The following PDE4B variants were observed in gnomAD, a reference collection of about 807,000 sequenced individuals.
PDE4B encodes phosphodiesterase 4B, also known as 3',5'-cyclic-AMP phosphodiesterase 4B.
A neutral mutation model predicts 82.2 loss-of-function variants in PDE4B; 20 were observed. The ratio of observed to expected loss-of-function variants is 0.24; its 90% CI spans 0.17 to 0.35. The LOEUF (loss-of-function observed/expected upper bound fraction) is 0.35, where lower values mean the gene tolerates loss of function less well. Ranked by LOEUF, PDE4B falls within the 10% of genes least tolerant of loss-of-function variation. The pLI is 1.00. For synonymous variants in PDE4B, 320 were observed against 318.9 expected (o/e 1.00, Z -0.04); for missense variants, 655 against 907.2 (o/e 0.72, Z 3.57).
At chr1:65,820,203 A>G (rs1645937148) in intron 1 of PDE4B, among the ~76,000 whole-genome samples, 1 of 152,238 alleles carries the variant, frequency 6.6e-6, no homozygotes, top group Non-Finnish European at 1.5e-5. Flanking sequence ...TTTGCAATTG[A>G]AATATTCAAG....
Position 65,875,117 on chromosome 1 carries a change from A to G in PDE4B, c.-70-38128A>G, listed in dbSNP as rs1424393821. On this transcript the variant is annotated intron_variant, in intron 1 of 16. Coordinates refer to ENST00000341517, the MANE Select transcript of PDE4B (RefSeq NM_002600.4). ...ACAAATGTACAAGAAAAAAACAAAC[A>G]ACCCCATCAAAAAGTGGGCGAAGGA... 4.6e-5 allele frequency among the ~76,000 whole-genome samples: 7 copies of G among 152,192 alleles called. 1 individual carries two copies. The highest frequency in any genetic ancestry group is 1.7e-4 in the African/African-American group (7 of 41,544).
chr1:66,146,173 CTTTTTTTTTTTT>C (rs36027532), intron 3 of PDE4B, among the ~76,000 whole-genome samples: 3 of 49,230 alleles, frequency 6.1e-5, no homozygotes, highest in Admixed American at 3.1e-4. Context: ...GGGTAGCATG[CTTTTTTTTTTTT>C]TTTTTTTTTT....
intron 3 of PDE4B, among the ~76,000 whole-genome samples, chr1:65,985,704 A>G (rs767873388): frequency 3.3e-5 from 5 of 152,094 alleles, no homozygotes; most frequent in Non-Finnish European, 7.4e-5. Context: ...CCTTGCTAAT[A>G]TATCTTGATT....
intron 3 of PDE4B, among the ~76,000 whole-genome samples, chr1:66,129,528 C>T (rs1209356220): frequency 1.3e-5 from 2 of 150,306 alleles, no homozygotes; most frequent in African/African-American, 2.4e-5. Context: ...GGCGTAGTGG[C>T]GGGCGCCTGT....
In PDE4B at chr1:66,181,713, A is replaced by C. The variant is rs375214236; in HGVS notation, c.282-65747A>C. On this transcript the variant is annotated intron_variant, in intron 3 of 16. Coordinates refer to ENST00000341517, the MANE Select transcript of PDE4B (RefSeq NM_002600.4). ...TCCACTTTGTAGTTATTTTACCACC[A>C]GCATTGTTTGCCAACAAATACTCCA... Among the ~76,000 whole-genome samples, 18 of 152,070 alleles carry C rather than the reference A, an allele frequency of 1.2e-4. 1 individual carries two copies. The highest frequency in any genetic ancestry group is 6.5e-4 in the Admixed American group (10 of 15,280).
intron 3 of PDE4B, among the ~76,000 whole-genome samples, chr1:65,982,081 GT>G (rs1226597469): frequency 6.6e-6 from 1 of 152,156 alleles, no homozygotes; most frequent in African/African-American, 2.4e-5. Flanking sequence ...GAAGTGCTTG[GT>G]AGGAAAGGTC....
chr1:66,027,328 C>T (rs562811124), intron 3 of PDE4B, among the ~76,000 whole-genome samples: 65 of 152,274 alleles, frequency 4.3e-4, no homozygotes, highest in Non-Finnish European at 7.9e-4. Context: ...TTCCCTATCA[C>T]AAGAGTAGCA....
chr1:66,233,215 T>G (rs1652128090), intron 3 of PDE4B, among the ~76,000 whole-genome samples: 1 of 152,220 alleles, frequency 6.6e-6, no homozygotes, highest in Non-Finnish European at 1.5e-5. Flanking sequence ...GAATTCTATA[T>G]AAATGGAATT....
chr1:65,878,461 G>A (rs1241908910), intron 1 of PDE4B, among the ~76,000 whole-genome samples: 3 of 152,134 alleles, frequency 2.0e-5, no homozygotes, highest in African/African-American at 7.2e-5. Flanking sequence ...ATTTACAATT[G>A]CAAATACTTG....
At chr1:65,957,806 A>G (rs1225866140) in intron 3 of PDE4B, among the ~76,000 whole-genome samples, 1 of 152,076 alleles carries the variant, frequency 6.6e-6, no homozygotes, top group Non-Finnish European at 1.5e-5. Flanking sequence ...TTTTAAAAAT[A>G]TATATTTTCA....
chr1:65,997,937 T>C (rs1651641694), intron 3 of PDE4B, among the ~76,000 whole-genome samples: 1 of 152,118 alleles, frequency 6.6e-6, no homozygotes, highest in Non-Finnish European at 1.5e-5. Context: ...CGAGAAGAGA[T>C]GACATTTGTG....
intron 7 of PDE4B, among the ~76,000 whole-genome samples, chr1:66,311,237 C>T (rs995966902): frequency 1.3e-5 from 2 of 152,228 alleles, no homozygotes; most frequent in African/African-American, 2.4e-5. Flanking sequence ...TAGGCAGTTA[C>T]TCAATGTCTG....
chr1:66,255,726 A>T (rs772606868), intron 4 of PDE4B, among the ~76,000 whole-genome samples: 2 of 152,228 alleles, frequency 1.3e-5, no homozygotes, highest in Non-Finnish European at 2.9e-5. Context: ...TTCATGAAGT[A>T]TACCCATTGT....
At chr1:66,167,208 C>A (rs992468719) in intron 3 of PDE4B, among the ~76,000 whole-genome samples, 1 of 137,392 alleles carries the variant, frequency 7.3e-6, no homozygotes, top group African/African-American at 2.5e-5. Flanking sequence ...GTTTATATAC[C>A]AGAAAAATGA....
At chr1:66,087,470 T>A (rs942145353) in intron 3 of PDE4B, among the ~76,000 whole-genome samples, 1 of 152,186 alleles carries the variant, frequency 6.6e-6, no homozygotes, top group African/African-American at 2.4e-5. Context: ...TGGTAGTTTC[T>A]TTTGCTGTGC....
intron 3 of PDE4B, among the ~76,000 whole-genome samples, chr1:66,084,558 A>G (rs145111181): frequency 6.6e-6 from 1 of 152,040 alleles, no homozygotes; most frequent in Non-Finnish European, 1.5e-5. Flanking sequence ...TCAGGTGGGG[A>G]CCAGAGCAAA....
At chr1:66,362,080 T>A (rs1662823774) in intron 10 of PDE4B, among the ~76,000 whole-genome samples, 1 of 152,160 alleles carries the variant, frequency 6.6e-6, no homozygotes, top group Non-Finnish European at 1.5e-5. Flanking sequence ...AAGATCCTTT[T>A]TCCATACCAA....
At chr1:66,307,324 A>G (rs1234305597) in intron 7 of PDE4B, among the ~76,000 whole-genome samples, 2 of 152,162 alleles carry the variant, frequency 1.3e-5, no homozygotes, top group African/African-American at 4.8e-5. Flanking sequence ...ATGGAGAGCA[A>G]GAGGGTAAAG....
chr1:65,918,638 C>T lies in PDE4B; in HGVS notation c.84C>T (p.Tyr28=), dbSNP rs1169478344. The stretch of plus-strand genomic sequence containing the variant: ...TTGAATGTAGCTTGAGTAAATCCTA[C>T]AGTTCTTCCAGTAACACACTTGGGA... The part of the protein sequence containing the change: ...DYFECSLSKS[Y]SSSSNTLGID... The change falls in exon 3 of 17, where the codon TAC becomes TAT. Residue 28 remains tyrosine (Y), a synonymous_variant. Coordinates refer to ENST00000341517, the MANE Select transcript of PDE4B (RefSeq NM_002600.4). The T allele has an allele frequency of 3.1e-6, 5 of 1,612,514 alleles. No homozygotes were observed. Among genetic ancestry groups the T allele is most frequent in the Non-Finnish European group, 4.2e-6 (5 of 1,178,630 alleles).
Sources: gnomAD v4.1 joint callset for allele counts (sites outside exome capture counted in the v4.1 genomes callset) on GRCh38, gnomAD v4.1.1 for gene constraint, MANE v1.5 for transcripts, NCBI Gene and HGNC (gene_info 2026-07-23, HGNC 2026-07-21) for gene names.